The following GRM7 variants were observed in gnomAD, a reference collection of about 807,000 sequenced individuals.
GRM7 encodes the protein metabotropic glutamate receptor 7.
Under a neutral mutation model 84.5 loss-of-function variants are expected in GRM7, and 35 were observed. The observed-to-expected ratio is 0.41, with a 90% CI of 0.32 to 0.55. The LOEUF (loss-of-function observed/expected upper bound fraction) is 0.55, where lower values mean the gene tolerates loss of function less well. Among genes scored for constraint, GRM7 ranks in the 20% least tolerant of loss-of-function variants. The probability of loss-of-function intolerance (pLI) is 0.19; values close to 1 mark genes in which losing one functional copy is unlikely to be tolerated. For missense variants in GRM7, 1,003 were observed against 1,194.6 expected, an observed-to-expected ratio of 0.84 and a Z score of 2.36; for synonymous variants, 487 against 455.1, an observed-to-expected ratio of 1.07 and a Z score of -0.89.
chr3:7,292,088 T>C (rs1270199759), intron 2 of GRM7, among the ~76,000 whole-genome samples: 2 of 152,192 alleles, frequency 1.3e-5, no homozygotes, highest in African/African-American at 4.8e-5. Context: ...TCATTAAAGC[T>C]CTTTTTCTTT....
intron 9 of GRM7, among the ~76,000 whole-genome samples, chr3:7,701,647 G>A (rs1254428276): frequency 6.6e-6 from 1 of 152,106 alleles, no homozygotes; most frequent in Non-Finnish European, 1.5e-5. Context: ...AGAATTGAAG[G>A]AGGGTAATTA....
At chr3:7,704,820 T>G (rs567370593) in intron 9 of GRM7, among the ~76,000 whole-genome samples, 44 of 152,290 alleles carry the variant, frequency 2.9e-4, no homozygotes, top group Non-Finnish European at 5.9e-4. Context: ...ACAGGGCTCT[T>G]GTCCACCCTG....
chr3:7,051,077 CAT>C lies in GRM7; in HGVS notation c.520-95372_520-95371del, dbSNP rs371495984. Reference sequence around the variant, plus strand: ...CATACATTAATTAAACACTCACAAACATATTTTCTTAGAGTTTGGGGATCACT... The same window carrying C: ...CATACATTAATTAAACACTCACAAACATTTTCTTAGAGTTTGGGGATCACT... On this transcript the variant is annotated intron_variant, in intron 1 of 9. Transcript: ENST00000357716. Among the ~76,000 whole-genome samples the C allele has an allele frequency of 4.7e-3, 719 of 151,796 alleles. 7 individuals carry two copies. Among genetic ancestry groups the C allele is most frequent in the African/African-American group, 0.017 (690 of 41,484 alleles).
intron 1 of GRM7, among the ~76,000 whole-genome samples, chr3:7,096,022 T>C (rs1399439555): frequency 6.6e-6 from 1 of 152,198 alleles, no homozygotes; most frequent in Non-Finnish European, 1.5e-5. Flanking sequence ...ACTAAAAATA[T>C]TGAATATACA....
At chr3:6,970,977 G>T (rs1473059967) in intron 1 of GRM7, among the ~76,000 whole-genome samples, 1 of 126,598 alleles carries the variant, frequency 7.9e-6, no homozygotes, top group Non-Finnish European at 1.6e-5. Context: ...GCGAGACTCT[G>T]TCTCAAAAAC....
chr3:7,249,709 A>G (rs1018428034), intron 2 of GRM7, among the ~76,000 whole-genome samples: 4 of 152,224 alleles, frequency 2.6e-5, no homozygotes, highest in Non-Finnish European at 5.9e-5. Flanking sequence ...CATGAAAAAA[A>G]AACTGTGGAA....
chr3:7,264,679 C>T (rs1289914725), intron 2 of GRM7, among the ~76,000 whole-genome samples: 1 of 152,174 alleles, frequency 6.6e-6, no homozygotes, highest in African/African-American at 2.4e-5. Context: ...CCCTTGGTGC[C>T]AGATGTTCCT....
intron 1 of GRM7, among the ~76,000 whole-genome samples, chr3:6,872,333 T>G (rs1401401625): frequency 6.6e-6 from 1 of 152,218 alleles, no homozygotes; most frequent in Admixed American, 6.5e-5. Context: ...ACTGCCACTC[T>G]CCAAGCTTGC....
At chr3:7,430,601 A>G (rs148480490) in intron 5 of GRM7, among the ~76,000 whole-genome samples, 1 of 152,324 alleles carries the variant, frequency 6.6e-6, no homozygotes, top group African/African-American at 2.4e-5. Flanking sequence ...CTCTACTCCT[A>G]AGCATTTATC....
At chr3:7,334,477 C>A (rs58798049) in intron 4 of GRM7, among the ~76,000 whole-genome samples, 5,690 of 94,016 alleles carry the variant, frequency 0.061, 241 homozygotes, top group African/African-American at 0.21. Context: ...CACAGGGACC[C>A]ACAAAAAAAA....
chr3:7,238,677 C>T (rs954353047), intron 2 of GRM7, among the ~76,000 whole-genome samples: 10 of 152,116 alleles, frequency 6.6e-5, no homozygotes, highest in African/African-American at 2.2e-4. Context: ...CCAGCTTGCT[C>T]ACACTCCCCT....
chr3:6,989,812 G>T (rs34882311), intron 1 of GRM7, among the ~76,000 whole-genome samples: 1 of 152,204 alleles, frequency 6.6e-6, no homozygotes, highest in African/African-American at 2.4e-5. Context: ...TGTGTGAAAA[G>T]AGCTAGTGTT....
rs1262131982 is a variant in GRM7, at chr3:6,928,679, CA to C, written c.519+66773del. On this transcript the variant is annotated intron_variant, in intron 1 of 9. Coordinates refer to ENST00000357716, the MANE Select transcript of GRM7 (RefSeq NM_000844.4). This position sits in a 1 kb window ranked among gnomAD's most constrained non-coding sequence, Gnocchi z 4.5. Reference sequence around the variant, plus strand: ...TAGAATCAATAGAAGCTTAGTTAAGCAGGTGATAATCTTCTCTTGGCCTCCA... The same window carrying C: ...TAGAATCAATAGAAGCTTAGTTAAGCGGTGATAATCTTCTCTTGGCCTCCA... 5.9e-5 allele frequency among the ~76,000 whole-genome samples: 9 copies of C among 152,270 alleles called. No homozygotes were observed. Among genetic ancestry groups the C allele is most frequent in the Admixed American group, 5.2e-4 (8 of 15,292 alleles).
At chr3:7,341,931 A>G (rs1003266237) in intron 4 of GRM7, among the ~76,000 whole-genome samples, 1 of 152,166 alleles carries the variant, frequency 6.6e-6, no homozygotes, top group African/African-American at 2.4e-5. Flanking sequence ...TCAGAAGACA[A>G]GGCTATACCC....
At chr3:6,978,119 A>C (rs1424573951) in intron 1 of GRM7, among the ~76,000 whole-genome samples, 2 of 152,140 alleles carry the variant, frequency 1.3e-5, no homozygotes, top group South Asian at 4.1e-4. Flanking sequence ...GTTTATATGG[A>C]TGGACTCTAA....
intron 7 of GRM7, among the ~76,000 whole-genome samples, chr3:7,552,864 T>G (rs148707256): frequency 6.6e-6 from 1 of 152,228 alleles, no homozygotes; most frequent in Non-Finnish European, 1.5e-5. Context: ...CCACATTGTC[T>G]TGGTGATTTA....
chr3:7,270,294 G>C (rs1014871023), intron 2 of GRM7, among the ~76,000 whole-genome samples: 6 of 152,126 alleles, frequency 3.9e-5, no homozygotes, highest in Non-Finnish European at 8.8e-5. Flanking sequence ...TGATGGTTTT[G>C]ATAACTGACT....
In GRM7 at chr3:7,363,514, C is replaced by T. The variant is rs535477691; in HGVS notation, c.1034-51509C>T. 5.3e-5 allele frequency among the ~76,000 whole-genome samples: 8 copies of T among 152,148 alleles called. No homozygotes were observed. In the South Asian group the frequency reaches 6.2e-4, roughly 12 times the overall value. ...ACCTGACCATTTATTTTATTTTACTCGTTTCAATTATTGCTTATGATTATA... is the reference window on the plus strand; with the variant it reads ...ACCTGACCATTTATTTTATTTTACTTGTTTCAATTATTGCTTATGATTATA... On this transcript the variant is annotated intron_variant, in intron 4 of 9. Coordinates refer to ENST00000357716, the MANE Select transcript of GRM7 (RefSeq NM_000844.4).
intron 1 of GRM7, among the ~76,000 whole-genome samples, chr3:7,028,070 T>C (rs1696045834): frequency 1.3e-5 from 2 of 152,214 alleles, no homozygotes; most frequent in South Asian, 4.1e-4. Flanking sequence ...CTACCTGTTT[T>C]TCCTGTTTCC....
Sources: gnomAD v4.1 joint callset for allele counts (sites outside exome capture counted in the v4.1 genomes callset) on GRCh38, gnomAD v4.1.1 for gene constraint, Gnocchi (gnomAD v3.1) non-coding constraint, MANE v1.5 for transcripts, NCBI Gene and HGNC (gene_info 2026-07-23, HGNC 2026-07-21) for gene names.